Variants in TUB observed in about 807,000 individuals in gnomAD.
TUB encodes the protein TUB bipartite transcription factor, also known as tubby protein homolog.
Under a neutral mutation model 59.7 loss-of-function variants are expected in TUB, and 33 were observed. The observed-to-expected ratio is 0.55, with a 90% CI of 0.42 to 0.74. The LOEUF is 0.74. Among genes scored for constraint, TUB ranks in the 30% least tolerant of loss-of-function variants. TUB has a pLI of 0.00. For synonymous variants in TUB, 293 were observed against 256.4 expected, an observed-to-expected ratio of 1.14 and a Z score of -1.36; for missense variants, 659 against 672.0, an observed-to-expected ratio of 0.98 and a Z score of 0.21.
chr11:8,069,674 TTTTG>T (rs894694026), intron 2 of TUB, among the ~76,000 whole-genome samples: 1 of 152,172 alleles, frequency 6.6e-6, no homozygotes. Context: ...TTCTTACCTG[TTTTG>T]TTTGTTTTTG....
In TUB at chr11:8,103,456, TAAGTAG is replaced by T. The variant is rs1197213440; in HGVS notation, c.*1843_*1848del. On this transcript the variant is annotated 3_prime_UTR_variant, in exon 12 of 12. Coordinates refer to ENST00000299506, the MANE Select transcript of TUB (RefSeq NM_177972.3). ...TATAGGTGAAGGACTTGTTTTGACT[TAAGTAG>T]AAGTAATATGCTCTCATTTCTTTGT... The T allele has an allele frequency of 6.6e-6, 1 of 152,468 alleles. No homozygotes were observed. The highest frequency in any genetic ancestry group is 1.5e-5 in the Non-Finnish European group (1 of 68,040). The allele number at this position is 152,468 out of a possible 1,614,324, so 9.4% of individuals were successfully genotyped here. A position where few individuals can be genotyped will look rare whatever the true frequency, so the allele number is the denominator to read the frequency against.
Position 8,097,238 on chromosome 11 carries a change from C to T in TUB, c.698C>T (p.Ser233Leu), listed in dbSNP as rs1944037794. 6.2e-7 allele frequency: 1 copy of T among 1,614,106 alleles called. No homozygotes were observed. Among genetic ancestry groups the T allele is most frequent in the South Asian group, 1.1e-5 (1 of 91,078 alleles). ...TSRKSVREAA[S>L]APSPTAPEQP... is the part of the protein sequence containing the mutation. ...TCTGCATCCCCATAGGAGGCAGCCT[C>T]AGCCCCTAGCCCAACAGCTCCAGAG... is the stretch of plus-strand genomic sequence containing the variant. The change falls in exon 7 of 12, where the codon TCA (serine) becomes TTA (leucine). Residue 233 changes from serine to leucine, a missense_variant. Transcript: ENST00000299506.
intron 6 of TUB, 85 bp downstream of exon 6, chr11:8,096,891 G>C: frequency 6.7e-7 from 1 of 1,497,500 alleles, no homozygotes; most frequent in East Asian, 2.3e-5. Flanking sequence ...AGATGGACTC[G>C]TATGCCTTTA....
intron 2 of TUB, chr11:8,039,813 A>T: frequency 1.4e-6 from 1 of 713,690 alleles, no homozygotes; most frequent in African/African-American, 1.8e-5. Context: ...TGCGCCTGGG[A>T]GTGTGTGTGT....
chr11:8,030,404 GC>G (rs1487992369), intron 1 of TUB, among the ~76,000 whole-genome samples: 1 of 152,140 alleles, frequency 6.6e-6, no homozygotes, highest in East Asian at 1.9e-4. Context: ...CCCAGCATGT[GC>G]TTGGGGGAGA....
chr11:8,060,404 A>C (rs1458878010), intron 2 of TUB, among the ~76,000 whole-genome samples: 1 of 152,156 alleles, frequency 6.6e-6, no homozygotes, highest in Non-Finnish European at 1.5e-5. Context: ...CCTCTGACTT[A>C]GGAGTTGGAG....
intron 9 of TUB, among the ~76,000 whole-genome samples, chr11:8,099,513 G>A (rs1944160403): frequency 1.3e-5 from 2 of 152,174 alleles, no homozygotes; most frequent in African/African-American, 4.8e-5. Context: ...CAGTTTTGGG[G>A]AGGCAGCCTG....
At chr11:8,039,100 T>C (rs1420061411) in intron 1 of TUB, 7 of 1,552,752 alleles carry the variant, frequency 4.5e-6, no homozygotes, top group Non-Finnish European at 6.1e-6. Flanking sequence ...CCACCCTCAC[T>C]GACCTCAACC....
chr11:8,026,120 G>A lies in TUB; in HGVS notation c.56+6762G>A, dbSNP rs1176318074. Among the ~76,000 whole-genome samples, 6 of 152,180 alleles carry A rather than the reference G, an allele frequency of 3.9e-5. No homozygotes were observed. The East Asian group carries it at 9.6e-4, about 24-fold the overall frequency. On this transcript the variant is annotated intron_variant, in intron 1 of 11. Coordinates refer to the TUB transcript ENST00000534099. ...CTATCCATATCTCTTCTTTGGAGAAGTTTCTGTTAAAATATTTCCCCATCT... is the reference window on the plus strand; with the variant it reads ...CTATCCATATCTCTTCTTTGGAGAAATTTCTGTTAAAATATTTCCCCATCT...
At chr11:8,071,119 T>C (rs535272046) in intron 2 of TUB, among the ~76,000 whole-genome samples, 3 of 152,266 alleles carry the variant, frequency 2.0e-5, no homozygotes, top group South Asian at 2.1e-4. Flanking sequence ...ACTCATCACC[T>C]CGACTCTTTT....
chr11:8,090,271 G>A (rs760958334), intron 3 of TUB, 40 bp downstream of exon 3: 10 of 1,603,756 alleles, frequency 6.2e-6, no homozygotes, highest in African/African-American at 2.7e-5. Context: ...TCACTGCTTC[G>A]GGGAGCCCGT....
At position 8,101,409 on chromosome 11, in the gene TUB, G is replaced by A. The variant is rs758555859; in HGVS notation, c.1388-77G>A. 8 of 1,568,472 alleles carry A rather than the reference G, an allele frequency of 5.1e-6. No individual in the cohort carries two copies. In the Admixed American group the frequency reaches 1.2e-4, roughly 23 times the overall value. On this transcript the variant is annotated intron_variant, in intron 11 of 11. Transcript: ENST00000299506. Reference sequence around the variant, plus strand: ...ACTTGTTCTTCCCTCATGTGGTTTGGGTGTCTGTCTATCCTTCCCTGGCTC... The same window carrying A: ...ACTTGTTCTTCCCTCATGTGGTTTGAGTGTCTGTCTATCCTTCCCTGGCTC...
Position 8,101,755 on chromosome 11 carries a change from C to T in TUB, c.*136C>T. ...TTTGGCCCTCAGTGGGCTCCCTGGC[C>T]CAGCCAGCCAGGAACTGGCTCCTTT... On this transcript the variant is annotated 3_prime_UTR_variant, in exon 12 of 12. Transcript: ENST00000299506. The T allele has an allele frequency of 3.5e-6, 5 of 1,427,744 alleles. No individual in the cohort carries two copies. In the South Asian group the frequency reaches 5.9e-5, roughly 17 times the overall value. The allele number at this position is 1,427,744 out of a possible 1,614,324, so 88.4% of individuals were successfully genotyped here.
intron 2 of TUB, among the ~76,000 whole-genome samples, chr11:8,051,578 A>G (rs1209423255): frequency 3.9e-5 from 6 of 152,220 alleles, no homozygotes; most frequent in African/African-American, 1.4e-4. Flanking sequence ...ATTTCTTTCC[A>G]GAAAGGCTAT....
chr11:8,094,455 C>T (rs936175716), intron 4 of TUB, among the ~76,000 whole-genome samples: 5 of 152,206 alleles, frequency 3.3e-5, no homozygotes, highest in African/African-American at 9.6e-5. Flanking sequence ...CACCGTCCCC[C>T]ACCTCAGCTA....
intron 1 of TUB, among the ~76,000 whole-genome samples, chr11:8,083,217 C>T (rs1943603849): frequency 1.3e-5 from 2 of 152,238 alleles, no homozygotes; most frequent in Admixed American, 1.3e-4. Context: ...TGAGTGGACT[C>T]CGGTGCTGTG....
At chr11:8,089,501 G>C in intron 1 of TUB, 109 bp from the exon 2 acceptor site, 1 of 1,326,672 alleles carries the variant, frequency 7.5e-7, no homozygotes. Flanking sequence ...AGTCCCAGCA[G>C]CCGTGATGGG....
At chr11:8,086,529 C>T (rs1304833365) in intron 1 of TUB, among the ~76,000 whole-genome samples, 1 of 152,128 alleles carries the variant, frequency 6.6e-6, no homozygotes, top group African/African-American at 2.4e-5. Flanking sequence ...AGAGTTGTTG[C>T]GCACTTGTCG....
In TUB at chr11:8,094,192, C is replaced by G. The variant is rs1943883376; in HGVS notation, c.397+3C>G. ...GGAGAAGAAGGGAAAGCACAAAGGT[C>G]AGCTCACATTCTCTACAGCCCTCCC... On this transcript the variant is annotated splice_donor_region_variant and intron_variant, in intron 4 of 11. Coordinates refer to ENST00000299506, the MANE Select transcript of TUB (RefSeq NM_177972.3). 1.9e-6 allele frequency: 3 copies of G among 1,610,016 alleles called. No homozygotes were observed. The highest frequency in any genetic ancestry group is 2.7e-5 in the African/African-American group (2 of 74,874).
Sources: gnomAD v4.1 joint callset for allele counts (sites outside exome capture counted in the v4.1 genomes callset) on GRCh38, gnomAD v4.1.1 for gene constraint, MANE v1.5 for transcripts, NCBI Gene and HGNC (gene_info 2026-07-23, HGNC 2026-07-21) for gene names.